The following SYN3 variants were observed in gnomAD, a reference collection of about 807,000 sequenced individuals.
The protein encoded by SYN3 is synapsin-3.
Under a neutral mutation model 65.8 loss-of-function variants are expected in SYN3, and 35 were observed. The ratio of observed to expected loss-of-function variants is 0.53; its 90% CI spans 0.41 to 0.70. SYN3 has a LOEUF of 0.70. SYN3 is among the 30% of genes least tolerant of loss of function. SYN3 has a pLI of 0.00. For synonymous variants in SYN3, 270 were observed against 292.9 expected, an observed-to-expected ratio of 0.92 and a Z score of 0.80; for missense variants, 680 against 749.0, an observed-to-expected ratio of 0.91 and a Z score of 1.08.
intron 6 of SYN3, among the ~76,000 whole-genome samples, chr22:32,668,080 C>T (rs946243976): frequency 3.3e-5 from 5 of 152,100 alleles, no homozygotes; most frequent in Non-Finnish European, 5.9e-5. Context: ...TGTGAGCCAC[C>T]GTGCCCAGCT....
intron 6 of SYN3, among the ~76,000 whole-genome samples, chr22:32,602,093 T>TA (rs2059292891): frequency 6.6e-6 from 1 of 152,204 alleles, no homozygotes; most frequent in East Asian, 1.9e-4. Context: ...ATATGTCCAA[T>TA]AAAACCCCCA....
intron 1 of SYN3, among the ~76,000 whole-genome samples, chr22:33,008,136 C>T (rs1447394501): frequency 6.6e-6 from 1 of 152,118 alleles, no homozygotes; most frequent in African/African-American, 2.4e-5. Flanking sequence ...GAGGTTTCAC[C>T]ATGTTGGCCA....
chr22:32,599,065 TA>T (rs951940016), intron 6 of SYN3, among the ~76,000 whole-genome samples: 27 of 152,060 alleles, frequency 1.8e-4, no homozygotes, highest in Non-Finnish European at 3.5e-4. Flanking sequence ...GCTGCTCTTT[TA>T]AAAAAAATCT....
In SYN3 at chr22:32,825,657, CAAAAAAAAAAAAAAAAAA is replaced by C. The variant is rs130292; in HGVS notation, c.711+39240_711+39257del. On this transcript the variant is annotated intron_variant, in intron 6 of 13. Coordinates refer to ENST00000358763, the MANE Select transcript of SYN3 (RefSeq NM_003490.4). ...TGGGCGACAGAGCGAGTTTCCATCT[CAAAAAAAAAAAAAAAAAA>C]AAAAAAAAAAAAAAAAAAAAAAGAT... 4.2e-4 allele frequency among the ~76,000 whole-genome samples: 12 copies of C among 28,592 alleles called. 1 individual carries two copies. The highest frequency in any genetic ancestry group is 4.2e-3 in the Admixed American group (6 of 1,430). 18.8% of individuals were successfully genotyped at this position (28,592 alleles called of 152,430 possible).
chr22:32,692,099 T>G, intron 6 of SYN3, among the ~76,000 whole-genome samples: 1 of 75,832 alleles, frequency 1.3e-5, no homozygotes, highest in South Asian at 3.6e-4. Context: ...GTGGTCATTG[T>G]TTTTTTTTTG....
chr22:33,013,910 T>C lies in SYN3; in HGVS notation c.-162-7086A>G, dbSNP rs75838222. 5.1e-3 allele frequency among the ~76,000 whole-genome samples: 768 copies of C among 151,524 alleles called. 7 individuals carry two copies. Among genetic ancestry groups the C allele is most frequent in the African/African-American group, 0.018 (739 of 41,352 alleles). ...GCAAATAGCAGAATTTTCCCCTCCTTTTTTTTTGGTCTGAGATGGGGTCTC... is the reference window on the plus strand; with the variant it reads ...GCAAATAGCAGAATTTTCCCCTCCTCTTTTTTTGGTCTGAGATGGGGTCTC... On this transcript the variant is annotated intron_variant, in intron 1 of 13. Transcript: ENST00000358763.
At chr22:32,724,373 G>A (rs550730321) in intron 6 of SYN3, among the ~76,000 whole-genome samples, 2 of 152,074 alleles carry the variant, frequency 1.3e-5, no homozygotes, top group African/African-American at 4.8e-5. Context: ...ACTACAGAAG[G>A]GTAATTTTGT....
chr22:32,892,032 T>A (rs1302795630), intron 4 of SYN3, among the ~76,000 whole-genome samples: 1 of 151,906 alleles, frequency 6.6e-6, no homozygotes, highest in African/African-American at 2.4e-5. Context: ...GCATAGCTCA[T>A]ACCTGTAATC....
intron 6 of SYN3, among the ~76,000 whole-genome samples, chr22:32,625,511 T>C (rs2059653698): frequency 6.6e-6 from 1 of 152,206 alleles, no homozygotes; most frequent in African/African-American, 2.4e-5. Flanking sequence ...GACACGGCCT[T>C]GCTTTTTGTT....
intron 3 of SYN3, among the ~76,000 whole-genome samples, chr22:32,973,041 C>A (rs1353954386): frequency 6.6e-6 from 1 of 152,042 alleles, no homozygotes. Flanking sequence ...ACAGCAACAA[C>A]AAAAAAGAGC....
chr22:32,834,361 C>T (rs1422555119), intron 6 of SYN3, among the ~76,000 whole-genome samples: 1 of 151,952 alleles, frequency 6.6e-6, no homozygotes, highest in Non-Finnish European at 1.5e-5. Flanking sequence ...CGGGGTTCCA[C>T]CGTGTTGGCC....
intron 3 of SYN3, among the ~76,000 whole-genome samples, chr22:32,977,165 T>C (rs944838962): frequency 2.6e-5 from 4 of 152,170 alleles, no homozygotes; most frequent in African/African-American, 9.7e-5. Context: ...AGGGGCAGGT[T>C]GGAAATCAGA....
intron 6 of SYN3, among the ~76,000 whole-genome samples, chr22:32,681,843 A>C (rs1012574089): frequency 6.6e-6 from 1 of 152,234 alleles, no homozygotes; most frequent in Non-Finnish European, 1.5e-5. Flanking sequence ...GTTATGAAGT[A>C]CTAGAAAGTA....
chr22:32,930,724 G>A (rs1407444983), intron 4 of SYN3, among the ~76,000 whole-genome samples: 3 of 152,042 alleles, frequency 2.0e-5, no homozygotes, highest in Non-Finnish European at 4.4e-5. Flanking sequence ...ATGAGACCTA[G>A]TGTGTATCGT....
intron 10 of SYN3, among the ~76,000 whole-genome samples, chr22:32,530,422 C>T (rs935560988): frequency 6.6e-6 from 1 of 152,110 alleles, no homozygotes; most frequent in Non-Finnish European, 1.5e-5. Flanking sequence ...GCACTGGCAA[C>T]CCACGGTCCT....
intron 6 of SYN3, among the ~76,000 whole-genome samples, chr22:32,624,005 C>T (rs1356523373): frequency 6.6e-6 from 1 of 152,220 alleles, no homozygotes; most frequent in Admixed American, 6.5e-5. Flanking sequence ...CAGCTCATAA[C>T]AAACGATGCT....
chr22:32,941,113 A>T (rs181812078), intron 3 of SYN3, among the ~76,000 whole-genome samples: 2 of 152,108 alleles, frequency 1.3e-5, no homozygotes, highest in Admixed American at 1.3e-4. Context: ...TTAAAGGTTA[A>T]AAAAAAAGTT....
chr22:32,933,405 G>C (rs137554), intron 3 of SYN3, among the ~76,000 whole-genome samples: 89,871 of 151,902 alleles, frequency 0.59, 26,840 homozygotes, highest in South Asian at 0.71. Context: ...AACCCAGGCG[G>C]TGTGGCACCA....
At chr22:32,933,844 T>C (rs1569337639) in intron 3 of SYN3, among the ~76,000 whole-genome samples, 1 of 152,160 alleles carries the variant, frequency 6.6e-6, no homozygotes, top group African/African-American at 2.4e-5. Flanking sequence ...ACAACCCATT[T>C]AAAGAAAAAA....
Sources: allele counts gnomAD v4.1 joint callset (sites outside exome capture counted in the v4.1 genomes callset), GRCh38; gene constraint gnomAD v4.1.1; transcripts MANE v1.5; gene names NCBI Gene and HGNC (gene_info 2026-07-23, HGNC 2026-07-21).